The following FAH variants were observed in gnomAD, a reference collection of about 807,000 sequenced individuals.
FAH encodes the protein fumarylacetoacetate hydrolase.
A neutral mutation model predicts 55.8 loss-of-function variants in FAH; 47 were observed. The observed-to-expected ratio is 0.84, with a 90% CI of 0.67 to 1.07. The LOEUF is 1.07. Among genes scored for constraint, FAH ranks in the 50% least tolerant of loss-of-function variants. FAH has a pLI of 0.00. For missense variants in FAH, 495 were observed against 545.9 expected (o/e 0.91, Z 0.93); for synonymous variants, 199 against 207.7 (o/e 0.96, Z 0.36).
At chr15:80,159,059 G>T (rs1241953496) in intron 2 of FAH, among the ~76,000 whole-genome samples, 1 of 151,902 alleles carries the variant, frequency 6.6e-6, no homozygotes. Flanking sequence ...CCAACATGGT[G>T]AAACCCCCTC....
chr15:80,181,198 G>T (rs1193186614), intron 13 of FAH, 39 bp downstream of exon 13: 2 of 1,418,358 alleles, frequency 1.4e-6, no homozygotes, highest in Non-Finnish European at 2.0e-6. Flanking sequence ...CTTCCTCCTT[G>T]CCCGCCATGC....
At position 80,168,088 on chromosome 15, in the gene FAH, C is replaced by G; in HGVS notation, c.492C>G (p.Ser164=). The G allele has an allele frequency of 6.2e-7, 1 of 1,614,200 alleles. No individual in the cohort carries two copies. The change falls in exon 6 of 14, where the codon TCC becomes TCG. Residue 164 remains serine (S), a synonymous_variant. Transcript: ENST00000561421. The part of the protein sequence containing the change: ...HLPVGYHGRA[S]SVVVSGTPIR... ...CAGTGGGCTACCATGGCCGTGCCTCCTCTGTCGTGGTGTCTGGCACCCCAA... is the reference window on the plus strand; with the variant it reads ...CAGTGGGCTACCATGGCCGTGCCTCGTCTGTCGTGGTGTCTGGCACCCCAA...
rs1290910567 is a variant in FAH, at chr15:80,158,121, ACCT to A, written c.145_147del (p.Leu49del). ...ATCCTGGACCTCAGCATCATCAAGC[ACCT>A]CTTTACTGGTCCTGTCCTCTCCAAA... is the stretch of plus-strand genomic sequence containing the variant. On this transcript the variant is annotated inframe_deletion, in exon 2 of 14. Transcript: ENST00000561421. 6.2e-7 allele frequency: 1 copy of A among 1,614,018 alleles called. No homozygotes were observed. Among genetic ancestry groups the A allele is most frequent in the African/African-American group, 1.3e-5 (1 of 75,000 alleles).
chr15:80,162,458 A>C (rs2041157568), intron 5 of FAH, 122 bp downstream of exon 5: 2 of 852,942 alleles, frequency 2.3e-6, no homozygotes. Context: ...AGCAGTTATG[A>C]TGTTGCAACC....
Position 80,186,245 on chromosome 15 carries a change from GCAC to G in FAH, c.*38_*40del. 6.4e-7 allele frequency: 1 copy of G among 1,564,282 alleles called. No homozygotes were observed. Among genetic ancestry groups the G allele is most frequent in the Non-Finnish European group, 8.8e-7 (1 of 1,134,656 alleles). On this transcript the variant is annotated 3_prime_UTR_variant, in exon 14 of 14. Coordinates refer to ENST00000561421, the MANE Select transcript of FAH (RefSeq NM_000137.4). ...GCTCTTCTGGAAACAAAGGGCTCAA[GCAC>G]CCCTTTCAACCCTGTGACTGGGGTC... is the stretch of plus-strand genomic sequence containing the variant.
intron 5 of FAH, chr15:80,163,441 T>G (rs1050460119): frequency 4.6e-5 from 7 of 152,258 alleles, no homozygotes; most frequent in Non-Finnish European, 8.8e-5. Context: ...TGTGCCAGGA[T>G]CCCAGTGGCC....
chr15:80,164,430 A>G (rs1029433742), intron 5 of FAH, among the ~76,000 whole-genome samples: 1 of 152,160 alleles, frequency 6.6e-6, no homozygotes, highest in Non-Finnish European at 1.5e-5. Context: ...AAGATCCCTA[A>G]CTTAATCACA....
rs566623000 is a variant in FAH, at chr15:80,180,727, A to AT, written c.1063-314dup. The stretch of plus-strand genomic sequence containing the variant: ...ACAGGAGGGTGTTAAGCATCACGAT[A>AT]TCTGGGCAAACTGCAGCCTCCAGAG... On this transcript the variant is annotated intron_variant, in intron 12 of 13. Transcript: ENST00000561421. 1.8e-4 allele frequency among the ~76,000 whole-genome samples: 27 copies of AT among 152,276 alleles called. No homozygotes were observed. The East Asian group carries it at 4.8e-3, about 27-fold the overall frequency.
chr15:80,161,663 A>C (rs2041149966), intron 4 of FAH, among the ~76,000 whole-genome samples: 1 of 152,218 alleles, frequency 6.6e-6, no homozygotes, highest in Admixed American at 6.5e-5. Context: ...AGTCCAAGAA[A>C]ATGAGGACTG....
intron 13 of FAH, among the ~76,000 whole-genome samples, chr15:80,185,888 G>A (rs531751246): frequency 6.6e-6 from 1 of 152,340 alleles, no homozygotes; most frequent in South Asian, 2.1e-4. Flanking sequence ...GTTGAGCCTT[G>A]CAGTGCCTCT....
At position 80,153,135 on chromosome 15, in the gene FAH, C is replaced by A. The variant is rs569070594; in HGVS notation, c.81C>A (p.Asp27Glu). Residue 27 changes from aspartate (D) to glutamate (E), a missense_variant and splice_region_variant, in exon 1 of 14, where the codon GAC (aspartate) becomes GAA (glutamate). Physicochemically the swap from Asp to Glu is conservative, Grantham distance 45. Transcript: ENST00000561421. ...LPYGVFSTRG[D>E]PRPRIGVAIG... ...ACGGCGTCTTCTCGACCAGAGGCGA[C>A]GTGAGCAGTGGGGCTTTGGCGTCCG... 2.5e-6 allele frequency: 4 copies of A among 1,607,384 alleles called. No individual in the cohort carries two copies. The East Asian group carries it at 9.0e-5, about 36-fold the overall frequency.
intron 2 of FAH, among the ~76,000 whole-genome samples, chr15:80,158,968 C>T (rs1044392772): frequency 5.9e-5 from 9 of 152,056 alleles, no homozygotes; most frequent in African/African-American, 2.2e-4. Flanking sequence ...AAAAACCTCT[C>T]GGCTCACGCC....
rs756267775 is a variant in FAH at position 80,173,075 on chromosome 15, G to C, written c.768G>C (p.Gly256=). Residue 256 remains glycine, a synonymous_variant, in exon 9 of 14, where the codon GGG becomes GGC. Transcript: ENST00000561421. ...PLGPFLGKSF[G]TTVSPWVVPM... ...GGCCATTCCTTGGGAAGAGTTTTGG[G>C]ACCACTGTCTCTCCGTGGGTGGTGC... 6.2e-7 allele frequency: 1 copy of C among 1,614,230 alleles called. No individual in the cohort carries two copies. Among genetic ancestry groups the C allele is most frequent in the Non-Finnish European group, 8.5e-7 (1 of 1,180,028 alleles).
At chr15:80,159,358 C>G (rs1176872973) in intron 2 of FAH, among the ~76,000 whole-genome samples, 4 of 152,048 alleles carry the variant, frequency 2.6e-5, no homozygotes, top group Non-Finnish European at 5.9e-5. Flanking sequence ...CAGGCATGAG[C>G]CATCACACCT....
intron 7 of FAH, among the ~76,000 whole-genome samples, chr15:80,170,958 T>C (rs910143349): frequency 6.6e-6 from 1 of 152,088 alleles, no homozygotes; most frequent in Non-Finnish European, 1.5e-5. Flanking sequence ...TCTTTAGAGG[T>C]AGTGGGATGA....
At chr15:80,154,507 G>T (rs973664303) in intron 1 of FAH, among the ~76,000 whole-genome samples, 20 of 152,266 alleles carry the variant, frequency 1.3e-4, no homozygotes, top group Non-Finnish European at 1.5e-5. Context: ...CTGATACAGT[G>T]CTGGGGGTGG....
intron 10 of FAH, 149 bp downstream of exon 10, chr15:80,175,240 G>A: frequency 1.4e-6 from 1 of 735,862 alleles, no homozygotes; most frequent in Non-Finnish European, 2.4e-6. Context: ...GAAAGAGGAG[G>A]GGAGGGGAGG....
intron 13 of FAH, among the ~76,000 whole-genome samples, 170 bp downstream of exon 13, chr15:80,181,329 C>A (rs774760630): frequency 6.6e-6 from 1 of 152,128 alleles, no homozygotes; most frequent in East Asian, 1.9e-4. Context: ...TATGGCTACC[C>A]GGGACTTCAA....
At chr15:80,172,938 G>A (rs1216329489) in intron 8 of FAH, 76 bp from the exon 9 acceptor site, 20 of 1,602,878 alleles carry the variant, frequency 1.2e-5, no homozygotes, top group Non-Finnish European at 1.7e-5. Context: ...CTGCTCCTTG[G>A]TCAAGGGCAG....
Sources: gnomAD v4.1 joint callset for allele counts (sites outside exome capture counted in the v4.1 genomes callset) on GRCh38, gnomAD v4.1.1 for gene constraint, MANE v1.5 for transcripts, NCBI Gene and HGNC (gene_info 2026-07-23, HGNC 2026-07-21) for gene names.